UBXN2A: variants seen among roughly 807,000 people sequenced by gnomAD.
The protein encoded by UBXN2A is UBX domain protein 2A, also known as UBX domain-containing protein 2A.
UBXN2A carries 28 observed loss-of-function variants against 28.4 expected under a neutral mutation model. The ratio of observed to expected loss-of-function variants is 0.99; its 90% confidence interval spans 0.73 to 1.35. The LOEUF is 1.35. UBXN2A is among the 40% of genes most tolerant of loss of function. UBXN2A has a pLI of 0.00. For missense variants in UBXN2A, 253 were observed against 297.9 expected (o/e 0.85, Z 1.11); for synonymous variants, 97 against 103.6 (o/e 0.94, Z 0.39).
Position 24,002,583 on chromosome 2 carries a change from T to A in UBXN2A, c.*2716T>A, listed in dbSNP as rs1015207758. On this transcript the variant is annotated 3_prime_UTR_variant, in exon 7 of 7. Coordinates refer to ENST00000309033, the MANE Select transcript of UBXN2A (RefSeq NM_181713.4). ...CACTACCACGCCTGGCTAATTTTTG[T>A]ATTTTTAGTAGAGACGGGGTTTCGC... The A allele has an allele frequency of 6.6e-6, 1 of 152,146 alleles. No homozygotes were observed. The highest frequency in any genetic ancestry group is 1.5e-5 in the Non-Finnish European group (1 of 68,028). The allele number at this position is 152,146 out of a possible 1,614,324, so 9.4% of individuals were successfully genotyped here. A position where few individuals can be genotyped will look rare whatever the true frequency, so the allele number is the denominator to read the frequency against.
chr2:23,977,162 A>C (rs1707703098), intron 4 of UBXN2A, 87 bp downstream of exon 4: 1 of 1,043,062 alleles, frequency 9.6e-7, no homozygotes, highest in African/African-American at 1.6e-5. Flanking sequence ...TCAGGAGTTC[A>C]AGGCCAGCCG....
At chr2:23,939,777 C>G (rs1433508801), upstream of UBXN2A, 2 of 152,576 alleles carry the variant, frequency 1.3e-5, no homozygotes, top group South Asian at 2.1e-4. Context: ...CTGACAAAGT[C>G]ACATGCGGAA....
At chr2:23,929,718 AAAAT>A (rs1361859297) in intron 1 of UBXN2A, among the ~76,000 whole-genome samples, 2 of 152,044 alleles carry the variant, frequency 1.3e-5, no homozygotes, top group Non-Finnish European at 2.9e-5. Flanking sequence ...ATCTCAAAAA[AAAAT>A]AAATAAATAA....
At chr2:23,945,124 G>A (rs1442964900) in intron 1 of UBXN2A, among the ~76,000 whole-genome samples, 2 of 152,050 alleles carry the variant, frequency 1.3e-5, no homozygotes, top group Non-Finnish European at 2.9e-5. Context: ...TAACATTTCA[G>A]TATGGAGCCC....
upstream of UBXN2A, chr2:23,927,293 C>G (rs78332127): frequency 0.19 from 28,244 of 152,412 alleles, 2,709 homozygotes; most frequent in Middle Eastern, 0.26. Flanking sequence ...CCAGCTCTCC[C>G]CGACCGCAGG....
rs758885340 is a variant in UBXN2A at position 23,984,731 on chromosome 2, TTGTC to T, written c.487_490del (p.Ser163LeufsTer4). 1.3e-6 allele frequency: 2 copies of T among 1,559,766 alleles called. No individual in the cohort carries two copies. Among genetic ancestry groups the T allele is most frequent in the South Asian group, 2.5e-5 (2 of 80,142 alleles). The stretch of plus-strand genomic sequence containing the variant: ...TATTGAAGTTGAAAATAAAAATAAT[TTGTC>T]TGCTGTTCCACTGAACAACTTGGAA... On this transcript the variant is annotated frameshift_variant, in exon 6 of 7. Transcript: ENST00000309033. LOFTEE classifies it high-confidence loss of function.
chr2:23,946,616 T>C (rs1189262427), intron 1 of UBXN2A, among the ~76,000 whole-genome samples: 2 of 151,992 alleles, frequency 1.3e-5, no homozygotes, highest in African/African-American at 4.8e-5. Flanking sequence ...CCACCATGCC[T>C]GGCCAATTTT....
chr2:23,951,613 A>G (rs34499205), intron 1 of UBXN2A, among the ~76,000 whole-genome samples: 68,484 of 151,558 alleles, frequency 0.45, 16,353 homozygotes, highest in East Asian at 0.78. Flanking sequence ...GGCACCTGCC[A>G]CCATGCCCAG....
At chr2:23,971,543 C>A in intron 3 of UBXN2A, 129 bp downstream of exon 3, 1 of 1,049,864 alleles carries the variant, frequency 9.5e-7, no homozygotes, top group Non-Finnish European at 1.3e-6. Context: ...GACTGGAGTG[C>A]AGTGGCTCGA....
chr2:23,941,079 T>C (rs1245338370), intron 1 of UBXN2A, among the ~76,000 whole-genome samples: 1 of 152,174 alleles, frequency 6.6e-6, no homozygotes, highest in African/African-American at 2.4e-5. Context: ...CTCTGATGTT[T>C]TGAAGGCCTG....
chr2:23,986,333 GTAATAA>G (rs767146311), intron 6 of UBXN2A, among the ~76,000 whole-genome samples: 33 of 151,624 alleles, frequency 2.2e-4, no homozygotes, highest in African/African-American at 5.1e-4. Flanking sequence ...AATAATAATA[GTAATAA>G]TAATGAAGTA....
chr2:23,977,027 G>A lies in UBXN2A; in HGVS notation c.239G>A (p.Ser80Asn). The A allele has an allele frequency of 5.6e-6, 9 of 1,612,852 alleles. No individual in the cohort carries two copies. The highest frequency in any genetic ancestry group is 1.3e-5 in the African/African-American group (1 of 75,000). Residue 80 changes from serine (S) to asparagine (N), a missense_variant, in exon 4 of 7, where the codon AGT becomes AAT. Coordinates refer to ENST00000309033, the MANE Select transcript of UBXN2A (RefSeq NM_181713.4). Reference protein sequence around the residue: ...NGFTVNDDFRSYSDGASQQFL... With the variant: ...NGFTVNDDFRNYSDGASQQFL... The stretch of plus-strand genomic sequence containing the variant: ...TTCACCGTCAACGACGATTTCAGAA[G>A]TTATTCCGATGGTGCCAGTCAGCAG...
chr2:23,941,650 CTT>C (rs1282962462), intron 1 of UBXN2A, among the ~76,000 whole-genome samples: 7 of 152,154 alleles, frequency 4.6e-5, no homozygotes, highest in African/African-American at 1.4e-4. Flanking sequence ...TTAGCATACA[CTT>C]GATTTAATTT....
rs755373689 is a variant in UBXN2A, at chr2:23,984,769, T to C, written c.522T>C (p.Thr174=). ...CACTGAACAACTTGGAACCCATTACTAATATACAGATCTGGTTGGCCAATG... is the reference window on the plus strand; with the variant it reads ...CACTGAACAACTTGGAACCCATTACCAATATACAGATCTGGTTGGCCAATG... ...AVPLNNLEPI[T]NIQIWLANGK... Residue 174 remains threonine, a synonymous_variant, in exon 6 of 7, where the codon ACT becomes ACC. Transcript: ENST00000309033. 6.4e-7 allele frequency: 1 copy of C among 1,572,488 alleles called. No homozygotes were observed. Among genetic ancestry groups the C allele is most frequent in the Non-Finnish European group, 8.6e-7 (1 of 1,168,194 alleles).
intron 1 of UBXN2A, among the ~76,000 whole-genome samples, chr2:23,951,957 A>T (rs2150820018): frequency 6.7e-6 from 1 of 148,852 alleles, no homozygotes; most frequent in South Asian, 2.1e-4. Context: ...GATTTCCTGA[A>T]GTTTTTTTCC....
intron 6 of UBXN2A, among the ~76,000 whole-genome samples, chr2:23,987,545 G>A (rs1054736653): frequency 2.6e-5 from 4 of 152,080 alleles, no homozygotes; most frequent in Admixed American, 2.0e-4. Flanking sequence ...TTGGGAGGCC[G>A]AGGTGAGCAG....
intron 2 of UBXN2A, among the ~76,000 whole-genome samples, chr2:23,969,512 A>G (rs1349809497): frequency 6.6e-6 from 1 of 152,126 alleles, no homozygotes; most frequent in Non-Finnish European, 1.5e-5. Context: ...ACAGGAGCGT[A>G]CCATCATGCC....
At chr2:23,930,045 C>G (rs537585084) in intron 1 of UBXN2A, among the ~76,000 whole-genome samples, 1 of 152,238 alleles carries the variant, frequency 6.6e-6, no homozygotes, top group African/African-American at 2.4e-5. Flanking sequence ...TGTGCCACCA[C>G]GCCCGGCTAA....
chr2:23,982,345 C>T (rs1436545017), intron 4 of UBXN2A, among the ~76,000 whole-genome samples: 2 of 150,572 alleles, frequency 1.3e-5, no homozygotes, highest in African/African-American at 2.4e-5. Flanking sequence ...CCAGCCTGGG[C>T]GACAGAGCAA....
Sources: allele counts gnomAD v4.1 joint callset (sites outside exome capture counted in the v4.1 genomes callset), GRCh38; gene constraint gnomAD v4.1.1; transcripts MANE v1.5; gene names NCBI Gene and HGNC (gene_info 2026-07-23, HGNC 2026-07-21).